Variants in CDKAL1 observed in about 807,000 individuals in gnomAD.
CDKAL1 encodes CDKAL1 threonylcarbamoyladenosine tRNA methylthiotransferase.
Under a neutral mutation model 68.2 loss-of-function variants are expected in CDKAL1, and 32 were observed. That is an observed-to-expected ratio of 0.47 (90% CI 0.35 to 0.63). CDKAL1 has a LOEUF of 0.63. Ranked by LOEUF, CDKAL1 falls within the 30% of genes least tolerant of loss-of-function variation. The probability of loss-of-function intolerance (pLI) is 0.00; values close to 1 mark genes in which losing one functional copy is unlikely to be tolerated. For missense variants in CDKAL1, 606 were observed against 696.7 expected (o/e 0.87, Z 1.47); for synonymous variants, 234 against 244.3 (o/e 0.96, Z 0.39).
At position 20,565,749 on chromosome 6, in the gene CDKAL1, A is replaced by C. The variant is rs565062516; in HGVS notation, c.286+17044A>C. 5.3e-5 allele frequency among the ~76,000 whole-genome samples: 8 copies of C among 152,256 alleles called. No homozygotes were observed. In the South Asian group the frequency reaches 1.7e-3, roughly 32 times the overall value. ...GGTTCTGTGAGCTATGAGTAGCATA[A>C]AAAATAAAAAGAAGATACTGTGACT... On this transcript the variant is annotated intron_variant, in intron 4 of 15. Coordinates refer to ENST00000274695, the MANE Select transcript of CDKAL1 (RefSeq NM_017774.3).
chr6:21,012,048 C>G (rs1381312010), intron 11 of CDKAL1, among the ~76,000 whole-genome samples: 1 of 152,180 alleles, frequency 6.6e-6, no homozygotes, highest in Non-Finnish European at 1.5e-5. Flanking sequence ...ACTTTCATCT[C>G]ATGGTCAAAG....
At chr6:21,170,368 T>G (rs1351437994) in intron 13 of CDKAL1, among the ~76,000 whole-genome samples, 1 of 152,222 alleles carries the variant, frequency 6.6e-6, no homozygotes, top group Non-Finnish European at 1.5e-5. Flanking sequence ...GGAGTCTCAC[T>G]CTGTCACACA....
chr6:20,713,639 A>G (rs1771949749), intron 5 of CDKAL1, among the ~76,000 whole-genome samples: 1 of 152,216 alleles, frequency 6.6e-6, no homozygotes, highest in Non-Finnish European at 1.5e-5. Context: ...TAGAATTCAT[A>G]CACTGTACAA....
chr6:20,708,159 A>G (rs1468623908), intron 5 of CDKAL1, among the ~76,000 whole-genome samples: 2 of 152,194 alleles, frequency 1.3e-5, no homozygotes, highest in Non-Finnish European at 2.9e-5. Context: ...TTCAGTGGCT[A>G]CTTAACATTT....
At chr6:20,839,790 G>A (rs1475279266) in intron 8 of CDKAL1, among the ~76,000 whole-genome samples, 1 of 152,178 alleles carries the variant, frequency 6.6e-6, no homozygotes, top group East Asian at 1.9e-4. Flanking sequence ...GTATTTTACT[G>A]GATACCTTTC....
chr6:21,185,089 A>G (rs1467833898), intron 13 of CDKAL1, among the ~76,000 whole-genome samples: 1 of 152,074 alleles, frequency 6.6e-6, no homozygotes, highest in African/African-American at 2.4e-5. Flanking sequence ...TGTTTCTGCT[A>G]TTTAGTCTCA....
intron 12 of CDKAL1, among the ~76,000 whole-genome samples, chr6:21,072,011 G>A (rs1022070742): frequency 4.6e-5 from 7 of 152,148 alleles, no homozygotes; most frequent in South Asian, 4.1e-4. Flanking sequence ...ACTGGGAAGC[G>A]ATACACACAG....
intron 4 of CDKAL1, among the ~76,000 whole-genome samples, chr6:20,617,973 G>C (rs1288339083): frequency 6.6e-6 from 1 of 152,110 alleles, no homozygotes; most frequent in Non-Finnish European, 1.5e-5. Context: ...TCCAGTTCTA[G>C]ATCCTTGAGG....
intron 11 of CDKAL1, among the ~76,000 whole-genome samples, chr6:21,030,335 G>T (rs1769204765): frequency 6.6e-6 from 1 of 152,146 alleles, no homozygotes; most frequent in Admixed American, 6.6e-5. Context: ...GGTAGTGGAG[G>T]TAGTGAGCGG....
chr6:21,205,279 C>G (rs1778860410), intron 15 of CDKAL1, among the ~76,000 whole-genome samples: 1 of 152,162 alleles, frequency 6.6e-6, no homozygotes, highest in Admixed American at 6.5e-5. Context: ...ACAGATATCT[C>G]TTCGAGTCCC....
At chr6:20,559,975 T>C (rs1764204836) in intron 4 of CDKAL1, among the ~76,000 whole-genome samples, 1 of 152,312 alleles carries the variant, frequency 6.6e-6, no homozygotes, top group East Asian at 1.9e-4. Context: ...TTGTTAGTAT[T>C]GTCTTCTTTA....
chr6:21,177,680 A>C (rs1291017576), intron 13 of CDKAL1, among the ~76,000 whole-genome samples: 1 of 148,384 alleles, frequency 6.7e-6, no homozygotes, highest in Non-Finnish European at 1.5e-5. Context: ...TTTTTTTTTC[A>C]GTAGCAAAGA....
intron 12 of CDKAL1, among the ~76,000 whole-genome samples, chr6:21,085,313 TG>T (rs1172734581): frequency 6.6e-6 from 1 of 152,202 alleles, no homozygotes; most frequent in African/African-American, 2.4e-5. Context: ...TTAATTTGCC[TG>T]GTATTGAGTA....
chr6:20,943,346 A>AAG (rs1554144072), intron 9 of CDKAL1, among the ~76,000 whole-genome samples: 193 of 48,664 alleles, frequency 4.0e-3, no homozygotes, highest in African/African-American at 0.018. Context: ...AAAAAAAAAG[A>AAG]AAAAGAAAAA....
chr6:20,568,492 T>G (rs1342655015), intron 4 of CDKAL1, among the ~76,000 whole-genome samples: 2 of 151,756 alleles, frequency 1.3e-5, no homozygotes, highest in Non-Finnish European at 2.9e-5. Flanking sequence ...CCCAGCACTT[T>G]GGGAGGCCGA....
intron 11 of CDKAL1, among the ~76,000 whole-genome samples, chr6:21,001,390 C>CT (rs1006351263): frequency 2.6e-5 from 4 of 151,680 alleles, no homozygotes; most frequent in Admixed American, 6.6e-5. Flanking sequence ...AAATCTTTTT[C>CT]TTTTTTTTCC....
In CDKAL1 at chr6:20,894,861, G is replaced by A. The variant is rs1390230264; in HGVS notation, c.742+48683G>A. On this transcript the variant is annotated intron_variant, in intron 9 of 15. Transcript: ENST00000274695. ...TGTGTTTTAAAATATATATACAGTAGGTAAGATAACTGATACTGGTGAATT... is the reference window on the plus strand; with the variant it reads ...TGTGTTTTAAAATATATATACAGTAAGTAAGATAACTGATACTGGTGAATT... 1.3e-5 allele frequency among the ~76,000 whole-genome samples: 2 copies of A among 151,936 alleles called. 1 individual carries two copies. The highest frequency in any genetic ancestry group is 4.2e-4 in the South Asian group (2 of 4,814).
intron 11 of CDKAL1, among the ~76,000 whole-genome samples, chr6:21,044,867 C>T (rs939455712): frequency 2.0e-5 from 3 of 152,152 alleles, no homozygotes; most frequent in Non-Finnish European, 4.4e-5. Flanking sequence ...AAATTTATTT[C>T]TCACAGTTCT....
intron 11 of CDKAL1, among the ~76,000 whole-genome samples, chr6:21,011,282 G>A (rs767391573): frequency 8.6e-5 from 13 of 151,546 alleles, no homozygotes; most frequent in Non-Finnish European, 1.6e-4. Flanking sequence ...TACTCGGGAG[G>A]CTGATGCAGG....
Sources: gnomAD v4.1 joint callset for allele counts (sites outside exome capture counted in the v4.1 genomes callset) on GRCh38, gnomAD v4.1.1 for gene constraint, MANE v1.5 for transcripts, NCBI Gene and HGNC (gene_info 2026-07-23, HGNC 2026-07-21) for gene names.